Variants in CLU observed in about 807,000 individuals in gnomAD.
CLU encodes aging-associated protein 4.
In CLU, 25 loss-of-function variants were observed where a neutral mutation model predicts 46.4. The observed-to-expected ratio is 0.54, with a 90% CI of 0.39 to 0.75. The LOEUF (loss-of-function observed/expected upper bound fraction) is 0.75. Ranked by LOEUF, CLU falls within the 30% of genes least tolerant of loss-of-function variation. The pLI is 0.00. For missense variants in CLU, 504 were observed against 592.1 expected (o/e 0.85, Z 1.54); for synonymous variants, 235 against 235.1 (o/e 1.00, Z 0.00).
At chr8:27,610,397 C>A in intron 2 of CLU, 78 bp downstream of exon 2, 1 of 1,137,988 alleles carries the variant, frequency 8.8e-7, no homozygotes, top group South Asian at 1.2e-5. Context: ...GATAGAGAGG[C>A]ACTGAGCAGA....
In CLU at chr8:27,597,735, G is replaced by T. The variant is rs1256442024; in HGVS notation, c.*506C>A. 2 of 454,592 alleles carry T rather than the reference G, an allele frequency of 4.4e-6. No individual in the cohort carries two copies. The highest frequency in any genetic ancestry group is 1.4e-4 in the East Asian group (2 of 14,412). 28.2% of individuals were successfully genotyped at this position (454,592 alleles called of 1,614,324 possible). A position where few individuals can be genotyped will look rare whatever the true frequency, so the allele number is the denominator to read the frequency against. ...TAATAGAACAGAAAAGCTTCCATTT[G>T]CAGCAATATATTTTAGTTGGCTTGT... On this transcript the variant is annotated 3_prime_UTR_variant, in exon 9 of 9. Transcript: ENST00000316403.
rs563098300 is a variant in CLU, at chr8:27,597,927, C to G, written c.*314G>C. On this transcript the variant is annotated 3_prime_UTR_variant, in exon 9 of 9. Transcript: ENST00000316403. ...ACTTATTTTCCATCCCCCCTGCCTG[C>G]CCCCCATAGCAAAATGAAGGCATGC... is the stretch of plus-strand genomic sequence containing the variant. 1.7e-5 allele frequency: 10 copies of G among 602,478 alleles called. No homozygotes were observed. Among genetic ancestry groups the G allele is most frequent in the African/African-American group, 1.6e-4 (9 of 54,966 alleles). 37.3% of individuals were successfully genotyped at this position (602,478 alleles called of 1,614,324 possible). A position where few individuals can be genotyped will look rare whatever the true frequency, so the allele number is the denominator to read the frequency against.
intron 4 of CLU, among the ~76,000 whole-genome samples, chr8:27,606,003 G>A (rs1404184574): frequency 6.6e-6 from 1 of 151,286 alleles, no homozygotes; most frequent in Non-Finnish European, 1.5e-5. Flanking sequence ...TCACATCACT[G>A]TACTCCAGCC....
rs535880474 is a variant in CLU, at chr8:27,609,204, C to A, written c.98-118G>T. The A allele has an allele frequency of 6.3e-6, 7 of 1,103,438 alleles. 1 individual carries two copies. The South Asian group carries it at 8.8e-5, about 14-fold the overall frequency. The allele number at this position is 1,103,438 out of a possible 1,614,324, so 68.4% of individuals were successfully genotyped here. ...GTTCAGGGGCTGTCAAGGCTGGGAC[C>A]CCCACTCCTGCCAGCAGGCAGCAGC... On this transcript the variant is annotated intron_variant, in intron 2 of 8. Coordinates refer to ENST00000316403, the MANE Select transcript of CLU (RefSeq NM_001831.4).
At chr8:27,602,631 A>C (rs1021135854) in intron 6 of CLU, among the ~76,000 whole-genome samples, 4 of 152,014 alleles carry the variant, frequency 2.6e-5, no homozygotes, top group African/African-American at 9.7e-5. Flanking sequence ...ACAGCGCTGA[A>C]ATTGAGAAAT....
intron 4 of CLU, 84 bp downstream of exon 4, chr8:27,606,270 C>G: frequency 2.0e-6 from 3 of 1,479,956 alleles, no homozygotes; most frequent in South Asian, 1.1e-5. Flanking sequence ...TCAATTGCAT[C>G]TGGCATGCGG....
intron 1 of CLU, chr8:27,614,011 C>T (rs942488595): frequency 6.6e-6 from 1 of 152,136 alleles, no homozygotes; most frequent in African/African-American, 2.4e-5. Context: ...CCTCTCCAGG[C>T]CTCAGATTAT....
rs1322747673 is a variant in CLU at position 27,597,317 on chromosome 8, G to A, written c.*924C>T. The A allele has an allele frequency of 1.1e-5, 5 of 454,434 alleles. No homozygotes were observed. The highest frequency in any genetic ancestry group is 2.2e-5 in the Non-Finnish European group (5 of 226,808). 28.2% of individuals were successfully genotyped at this position (454,434 alleles called of 1,614,324 possible). Reference sequence around the variant, plus strand: ...AAGACTGAGATTGGTACCACGGGTAGTCATGGCCACCTGCTGGCAGCGTAG... The same window carrying A: ...AAGACTGAGATTGGTACCACGGGTAATCATGGCCACCTGCTGGCAGCGTAG... On this transcript the variant is annotated 3_prime_UTR_variant, in exon 9 of 9. Coordinates refer to ENST00000316403, the MANE Select transcript of CLU (RefSeq NM_001831.4).
chr8:27,613,168 C>G (rs1280621836), intron 1 of CLU, among the ~76,000 whole-genome samples: 1 of 152,168 alleles, frequency 6.6e-6, no homozygotes, highest in Non-Finnish European at 1.5e-5. Context: ...AGGCGGATTA[C>G]TTGAGATCAG....
chr8:27,607,893 C>A (rs1409700601), intron 3 of CLU, among the ~76,000 whole-genome samples: 1 of 152,192 alleles, frequency 6.6e-6, no homozygotes, highest in Admixed American at 6.5e-5. Flanking sequence ...TACTTCCTTG[C>A]CTTCTGGCTC....
chr8:27,597,359 T>G lies in CLU; in HGVS notation c.*882A>C, dbSNP rs1469273061. 1 of 454,482 alleles carries G rather than the reference T, an allele frequency of 2.2e-6. No homozygotes were observed. The highest frequency in any genetic ancestry group is 2.3e-5 in the Admixed American group (1 of 42,564). The allele number at this position is 454,482 out of a possible 1,614,324, so 28.2% of individuals were successfully genotyped here. A position where few individuals can be genotyped will look rare whatever the true frequency, so the allele number is the denominator to read the frequency against. On this transcript the variant is annotated 3_prime_UTR_variant, in exon 9 of 9. Transcript: ENST00000316403. Reference sequence around the variant, plus strand: ...GCAGCGTAGGGTACTGCAGCCCAGCTATGGTTCAGACTAAAAGCCGAGAAA... The same window carrying G: ...GCAGCGTAGGGTACTGCAGCCCAGCGATGGTTCAGACTAAAAGCCGAGAAA...
At chr8:27,608,546 GTGTGCC>G (rs1800861914) in intron 3 of CLU, 1 of 365,924 alleles carries the variant, frequency 2.7e-6, no homozygotes, top group Non-Finnish European at 5.1e-6. Flanking sequence ...GTGGGGTGCT[GTGTGCC>G]TGCCTTAACC....
intron 6 of CLU, among the ~76,000 whole-genome samples, chr8:27,602,318 T>A (rs1324674541): frequency 6.7e-6 from 1 of 150,130 alleles, no homozygotes; most frequent in African/African-American, 2.5e-5. Flanking sequence ...AATGACCTGG[T>A]CCAAAATGTC....
chr8:27,609,132 G>A (rs781555512), intron 2 of CLU, 46 bp from the exon 3 acceptor site: 7 of 1,606,138 alleles, frequency 4.4e-6, no homozygotes, highest in Non-Finnish European at 6.0e-6. Context: ...AGGAAGAGGT[G>A]GCCTCAGGAC....
intron 6 of CLU, among the ~76,000 whole-genome samples, chr8:27,603,207 A>G (rs1800753268): frequency 6.6e-6 from 1 of 152,080 alleles, no homozygotes; most frequent in African/African-American, 2.4e-5. Context: ...CCCTAACATG[A>G]CTTTCTTGTG....
rs773593860 is a variant in CLU, at chr8:27,598,180, G to T, written c.*61C>A. ...GCAGAGCTCTCTCTGGGGGGCTGCA[G>T]CTCATCTTGGGGGGAGCTGGACTCA... On this transcript the variant is annotated 3_prime_UTR_variant, in exon 9 of 9. Transcript: ENST00000316403. The T allele has an allele frequency of 4.4e-6, 7 of 1,584,312 alleles. No homozygotes were observed. The highest frequency in any genetic ancestry group is 6.1e-6 in the Non-Finnish European group (7 of 1,154,070).
chr8:27,609,337 C>G (rs1304368415), intron 2 of CLU, among the ~76,000 whole-genome samples: 3 of 152,096 alleles, frequency 2.0e-5, no homozygotes, highest in Non-Finnish European at 4.4e-5. Flanking sequence ...CAGAGTTATG[C>G]CCAGCCACTG....
chr8:27,600,157 G>A lies in CLU; in HGVS notation c.935-148C>T, dbSNP rs762661596. On this transcript the variant is annotated intron_variant, in intron 6 of 8. Coordinates refer to ENST00000316403, the MANE Select transcript of CLU (RefSeq NM_001831.4). ...AGGGCCACAAACTGGAATTGTCCAC[G>A]ACAAAATAAAGGTTTTGCCTCAGAA... is the stretch of plus-strand genomic sequence containing the variant. The A allele has an allele frequency of 5.5e-5, 38 of 688,492 alleles. 2 individuals are homozygous for A. The highest frequency in any genetic ancestry group is 2.7e-4 in the South Asian group (17 of 64,144). The allele number at this position is 688,492 out of a possible 1,614,324, so 42.6% of individuals were successfully genotyped here.
chr8:27,605,205 G>A lies in CLU; in HGVS notation c.548C>T (p.Ala183Val), dbSNP rs191783558. The change falls in exon 5 of 9, where the codon GCG (alanine) becomes GTG (valine). Residue 183 changes from alanine (A) to valine (V), a missense_variant. Coordinates refer to ENST00000316403, the MANE Select transcript of CLU (RefSeq NM_001831.4). ...LDVMQDHFSR[A>V]SSIIDELFQD... ...GAAGAGCTCGTCTATGATGCTGGACGCGCGGCTGAAGTGGTCCTGCATGAC... is the reference window on the plus strand; with the variant it reads ...GAAGAGCTCGTCTATGATGCTGGACACGCGGCTGAAGTGGTCCTGCATGAC... The A allele has an allele frequency of 3.0e-5, 48 of 1,614,202 alleles. No individual in the cohort carries two copies. Among genetic ancestry groups the A allele is most frequent in the Admixed American group, 2.5e-4 (15 of 60,022 alleles).
Sources: allele counts gnomAD v4.1 joint callset (sites outside exome capture counted in the v4.1 genomes callset), GRCh38; gene constraint gnomAD v4.1.1; transcripts MANE v1.5; gene names NCBI Gene and HGNC (gene_info 2026-07-23, HGNC 2026-07-21).